The following CLYBL variants were observed in gnomAD, a reference collection of about 807,000 sequenced individuals.
CLYBL encodes citramalyl-CoA lyase, also known as citramalyl-CoA lyase, mitochondrial.
CLYBL carries 31 observed loss-of-function variants against 38.9 expected under a neutral mutation model. That is an observed-to-expected ratio of 0.80 (90% confidence interval 0.60 to 1.08). CLYBL has a LOEUF of 1.08. Ranked by LOEUF, CLYBL falls within the 50% of genes least tolerant of loss-of-function variation. The pLI is 0.00. For missense variants in CLYBL, 434 were observed against 411.6 expected (o/e 1.05, Z -0.47); for synonymous variants, 171 against 158.6 (o/e 1.08, Z -0.59).
chr13:99,878,476 A>G (rs2052107321), intron 7 of CLYBL, among the ~76,000 whole-genome samples: 1 of 152,236 alleles, frequency 6.6e-6, no homozygotes, highest in African/African-American at 2.4e-5. Context: ...TTGGCATGTT[A>G]CACATTTGTC....
At chr13:99,751,201 A>G (rs1490212262) in intron 1 of CLYBL, among the ~76,000 whole-genome samples, 1 of 152,032 alleles carries the variant, frequency 6.6e-6, no homozygotes, top group Non-Finnish European at 1.5e-5. Context: ...ATACGCTATA[A>G]CATGGTTGAA....
intron 1 of CLYBL, among the ~76,000 whole-genome samples, chr13:99,683,511 T>G (rs1010731858): frequency 1.3e-5 from 2 of 152,140 alleles, no homozygotes; most frequent in African/African-American, 4.8e-5. Context: ...TTTTTATTTT[T>G]TATACTTTTT....
rs185645190 is a variant in CLYBL at position 99,757,743 on chromosome 13, A to T, written c.63-15081A>T. On this transcript the variant is annotated intron_variant, in intron 1 of 8. Coordinates refer to ENST00000339105, the MANE Select transcript of CLYBL (RefSeq NM_206808.5). ...CAAAGTGTTGGGATTATAGGCGTGA[A>T]CCACTGCGCCTGGCCACCTTGGCAA... Among the ~76,000 whole-genome samples, 25 of 152,280 alleles carry T rather than the reference A, an allele frequency of 1.6e-4. 1 individual carries two copies. Among genetic ancestry groups the T allele is most frequent in the Admixed American group, 1.6e-3 (25 of 15,292 alleles).
chr13:99,885,749 C>T (rs2052334260), intron 7 of CLYBL, among the ~76,000 whole-genome samples: 1 of 152,168 alleles, frequency 6.6e-6, no homozygotes, highest in South Asian at 2.1e-4. Context: ...TTTCTAAGGA[C>T]TCTCCAAGTG....
At chr13:99,691,125 C>T (rs2047895924) in intron 1 of CLYBL, among the ~76,000 whole-genome samples, 1 of 152,142 alleles carries the variant, frequency 6.6e-6, no homozygotes, top group Non-Finnish European at 1.5e-5. Context: ...ACATGGTAGC[C>T]TCATCCATAG....
At chr13:99,622,546 C>T (rs1388891186) in intron 1 of CLYBL, among the ~76,000 whole-genome samples, 1 of 152,208 alleles carries the variant, frequency 6.6e-6, no homozygotes, top group Non-Finnish European at 1.5e-5. Context: ...GGATTGTTTA[C>T]ATGTATGGGT....
At chr13:99,613,439 G>A (rs1362816950) in intron 1 of CLYBL, among the ~76,000 whole-genome samples, 1 of 152,190 alleles carries the variant, frequency 6.6e-6, no homozygotes, top group Non-Finnish European at 1.5e-5. Context: ...GCCTGGATGG[G>A]GTTACCTGTC....
intron 7 of CLYBL, among the ~76,000 whole-genome samples, chr13:99,888,148 C>T (rs2052398200): frequency 6.6e-6 from 1 of 152,204 alleles, no homozygotes; most frequent in African/African-American, 2.4e-5. Flanking sequence ...AGCCACCATG[C>T]ACAGGCTGCA....
At chr13:99,633,478 T>C (rs1010343150) in intron 1 of CLYBL, among the ~76,000 whole-genome samples, 1 of 144,228 alleles carries the variant, frequency 6.9e-6, no homozygotes, top group African/African-American at 2.6e-5. Context: ...GAGGTTGCAG[T>C]GAGCCAAGAT....
At chr13:99,693,296 C>T (rs1331003028) in intron 1 of CLYBL, among the ~76,000 whole-genome samples, 1 of 152,140 alleles carries the variant, frequency 6.6e-6, no homozygotes, top group Non-Finnish European at 1.5e-5. Context: ...CTCACCAAGG[C>T]ACAAAGTAGG....
intron 1 of CLYBL, among the ~76,000 whole-genome samples, chr13:99,711,843 G>A (rs2048238579): frequency 6.6e-6 from 1 of 151,860 alleles, no homozygotes; most frequent in Admixed American, 6.6e-5. Context: ...AGCCTCCAGA[G>A]TAGCTGGGAT....
At chr13:99,765,690 C>T (rs371202652) in intron 1 of CLYBL, among the ~76,000 whole-genome samples, 3 of 151,864 alleles carry the variant, frequency 2.0e-5, no homozygotes, top group South Asian at 2.1e-4. Context: ...ACAACAGGCA[C>T]GTGCCACAAT....
intron 2 of CLYBL, among the ~76,000 whole-genome samples, chr13:99,788,613 T>C (rs2049849783): frequency 6.6e-6 from 1 of 152,222 alleles, no homozygotes; most frequent in South Asian, 2.1e-4. Context: ...AGTATTTTAT[T>C]AAGGATTTTT....
chr13:99,767,050 G>C lies in CLYBL; in HGVS notation c.63-5774G>C, dbSNP rs137903557. ...CTTCCCATGGATTAAGGCAGAGCAG[G>C]CCTCCTGCCAGGGAACCCAAGATGG... On this transcript the variant is annotated intron_variant, in intron 1 of 8. Transcript: ENST00000339105. Among the ~76,000 whole-genome samples the C allele has an allele frequency of 1.3e-3, 198 of 152,316 alleles. 1 individual carries two copies. The highest frequency in any genetic ancestry group is 4.6e-3 in the African/African-American group (190 of 41,574).
intron 1 of CLYBL, among the ~76,000 whole-genome samples, chr13:99,707,463 G>A (rs1205654756): frequency 4.6e-5 from 7 of 151,954 alleles, no homozygotes; most frequent in South Asian, 2.1e-4. Flanking sequence ...TAGTAGAGAC[G>A]GGATTTCACC....
intron 2 of CLYBL, among the ~76,000 whole-genome samples, chr13:99,848,636 G>A (rs1416913948): frequency 6.6e-6 from 1 of 152,176 alleles, no homozygotes; most frequent in Non-Finnish European, 1.5e-5. Context: ...CCTATTCCCT[G>A]GGACCCCTCG....
In CLYBL at chr13:99,860,406, G is replaced by A. The variant is rs118065462; in HGVS notation, c.438+1357G>A. ...TGTGTTGGATCCTTCTTGAAGACCCGTATTCAAGGACCAGTTATTTATTGA... is the reference window on the plus strand; with the variant it reads ...TGTGTTGGATCCTTCTTGAAGACCCATATTCAAGGACCAGTTATTTATTGA... On this transcript the variant is annotated intron_variant, in intron 3 of 8. Transcript: ENST00000339105. 1.4e-3 allele frequency among the ~76,000 whole-genome samples: 220 copies of A among 152,118 alleles called. 2 individuals carry two copies. In the East Asian group the frequency reaches 0.034, roughly 23 times the overall value.
At chr13:99,722,976 AC>A (rs2048416825) in intron 1 of CLYBL, among the ~76,000 whole-genome samples, 2 of 152,258 alleles carry the variant, frequency 1.3e-5, no homozygotes, top group Admixed American at 6.5e-5. Flanking sequence ...TTTACATTGT[AC>A]GTCAACTGCT....
chr13:99,852,973 T>A (rs1229171072), intron 2 of CLYBL, among the ~76,000 whole-genome samples: 3 of 152,230 alleles, frequency 2.0e-5, no homozygotes, highest in Non-Finnish European at 4.4e-5. Context: ...CCTGCATGCA[T>A]ATGAATGACT....
Sources: gnomAD v4.1 joint callset for allele counts (sites outside exome capture counted in the v4.1 genomes callset) on GRCh38, gnomAD v4.1.1 for gene constraint, MANE v1.5 for transcripts, NCBI Gene and HGNC (gene_info 2026-07-23, HGNC 2026-07-21) for gene names.